ANKRD44: variants seen among roughly 807,000 people sequenced by gnomAD.
ANKRD44 encodes serine/threonine-protein phosphatase 6 regulatory ankyrin repeat subunit B.
A neutral mutation model predicts 116.0 loss-of-function variants in ANKRD44; 35 were observed. That is an observed-to-expected ratio of 0.30 (90% CI 0.23 to 0.40). ANKRD44 has a LOEUF of 0.40. ANKRD44 is among the 10% of genes least tolerant of loss of function. ANKRD44 has a pLI of 1.00. For missense variants in ANKRD44, 1,014 were observed against 1,242.6 expected, an observed-to-expected ratio of 0.82 and a Z score of 2.77; for synonymous variants, 435 against 461.8, an observed-to-expected ratio of 0.94 and a Z score of 0.74.
chr2:197,014,805 A>G (rs1181747562), intron 17 of ANKRD44, among the ~76,000 whole-genome samples: 1 of 151,972 alleles, frequency 6.6e-6, no homozygotes, highest in Non-Finnish European at 1.5e-5. Flanking sequence ...ACAACAAAAA[A>G]TGATGCTTTG....
chr2:197,034,184 T>A (rs943147513), intron 16 of ANKRD44, among the ~76,000 whole-genome samples: 8 of 151,886 alleles, frequency 5.3e-5, no homozygotes, highest in Non-Finnish European at 8.8e-5. Flanking sequence ...CAACCTATCT[T>A]GTCAAAATCC....
intron 1 of ANKRD44, among the ~76,000 whole-genome samples, chr2:197,277,016 C>G (rs1316790245): frequency 1.3e-5 from 2 of 151,492 alleles, no homozygotes; most frequent in African/African-American, 4.9e-5. Flanking sequence ...CAAGCTCTGC[C>G]TCCCACGTTC....
chr2:197,185,770 A>G (rs2080641817), intron 2 of ANKRD44, among the ~76,000 whole-genome samples: 1 of 152,234 alleles, frequency 6.6e-6, no homozygotes. Context: ...CAAAATATGT[A>G]TATAGTGCAC....
chr2:197,138,661 C>A (rs574669150), intron 3 of ANKRD44, among the ~76,000 whole-genome samples: 1 of 152,258 alleles, frequency 6.6e-6, no homozygotes, highest in African/African-American at 2.4e-5. Flanking sequence ...TTTCTTGCAT[C>A]ATAAATAAAT....
intron 12 of ANKRD44, 118 bp downstream of exon 12, chr2:197,088,593 T>G: frequency 1.7e-6 from 1 of 576,510 alleles, no homozygotes; most frequent in Non-Finnish European, 2.8e-6. Context: ...ATTTGATAAT[T>G]AGTAGAAATG....
At chr2:197,257,763 T>C (rs1166261750) in intron 1 of ANKRD44, among the ~76,000 whole-genome samples, 2 of 152,172 alleles carry the variant, frequency 1.3e-5, no homozygotes, top group African/African-American at 4.8e-5. Context: ...ATTTTAACCA[T>C]CTTTAAGTGT....
chr2:197,057,617 T>C (rs1252515827), intron 16 of ANKRD44, among the ~76,000 whole-genome samples: 1 of 152,228 alleles, frequency 6.6e-6, no homozygotes, highest in African/African-American at 2.4e-5. Context: ...CTCTTATCTG[T>C]AATCTCAGCA....
downstream of ANKRD44, among the ~76,000 whole-genome samples, chr2:196,982,108 T>TTTTA (rs150861089): frequency 0.01 from 1,001 of 96,544 alleles, 60 homozygotes; most frequent in African/African-American, 0.034. Context: ...CTAAAAAAAA[T>TTTTA]TATATATATA....
intron 1 of ANKRD44, among the ~76,000 whole-genome samples, chr2:197,234,809 C>G (rs1173111204): frequency 6.6e-6 from 1 of 152,150 alleles, no homozygotes; most frequent in Non-Finnish European, 1.5e-5. Context: ...AAGTTCTTTC[C>G]AGTATCCCCT....
intron 2 of ANKRD44, among the ~76,000 whole-genome samples, chr2:197,165,541 A>G (rs1251894877): frequency 6.6e-6 from 1 of 152,222 alleles, no homozygotes; most frequent in Non-Finnish European, 1.5e-5. Flanking sequence ...AGCTAGGAAT[A>G]GTGATTGGGA....
At chr2:197,230,418 TCAAA>T (rs2081830761) in intron 1 of ANKRD44, among the ~76,000 whole-genome samples, 1 of 151,948 alleles carries the variant, frequency 6.6e-6, no homozygotes, top group Non-Finnish European at 1.5e-5. Context: ...GAAAGGAGAT[TCAAA>T]CACTCATCCC....
At chr2:196,967,352 T>C (rs1381754454) in exon 22 of ANKRD44, 2 of 459,424 alleles carry the variant, frequency 4.4e-6, no homozygotes, top group African/African-American at 4.0e-5. Flanking sequence ...TTGCGTTCTG[T>C]GGCTGGGATA....
chr2:197,045,656 C>T (rs1056338117), intron 16 of ANKRD44, among the ~76,000 whole-genome samples: 3 of 152,180 alleles, frequency 2.0e-5, no homozygotes, highest in Non-Finnish European at 4.4e-5. Context: ...CTTCTAAACA[C>T]CACTGGTCAC....
At chr2:197,106,008 A>C (rs906190538) in intron 9 of ANKRD44, among the ~76,000 whole-genome samples, 1 of 152,232 alleles carries the variant, frequency 6.6e-6, no homozygotes, top group African/African-American at 2.4e-5. Context: ...CAGGTTTACC[A>C]GTCTCAAATA....
intron 2 of ANKRD44, among the ~76,000 whole-genome samples, chr2:197,170,316 G>C (rs927001587): frequency 3.3e-5 from 5 of 151,846 alleles, no homozygotes; most frequent in Non-Finnish European, 7.4e-5. Flanking sequence ...TAATATGACA[G>C]TTACCTTGTA....
chr2:197,197,680 C>T (rs190722268), intron 1 of ANKRD44, among the ~76,000 whole-genome samples: 39 of 151,774 alleles, frequency 2.6e-4, no homozygotes, highest in Non-Finnish European at 5.2e-4. Flanking sequence ...CACGGTGGCG[C>T]ACACCTGTAG....
At chr2:197,147,449 T>G (rs2079533884) in intron 2 of ANKRD44, among the ~76,000 whole-genome samples, 2 of 149,042 alleles carry the variant, frequency 1.3e-5, no homozygotes, top group Non-Finnish European at 3.0e-5. Flanking sequence ...AAAAAAAATC[T>G]AACCTACCAT....
At chr2:197,255,716 G>C (rs541069942) in intron 1 of ANKRD44, among the ~76,000 whole-genome samples, 1 of 152,354 alleles carries the variant, frequency 6.6e-6, no homozygotes, top group East Asian at 1.9e-4. Flanking sequence ...GGTTTCCCCA[G>C]CCAGGCTGCC....
At chr2:197,059,978 A>C (rs1286833922) in intron 16 of ANKRD44, among the ~76,000 whole-genome samples, 1 of 152,252 alleles carries the variant, frequency 6.6e-6, no homozygotes, top group Non-Finnish European at 1.5e-5. Context: ...ATGAAACAAG[A>C]GACCAACATA....
Sources: gnomAD v4.1 joint callset for allele counts (sites outside exome capture counted in the v4.1 genomes callset) on GRCh38, gnomAD v4.1.1 for gene constraint, MANE v1.5 for transcripts, NCBI Gene and HGNC (gene_info 2026-07-23, HGNC 2026-07-21) for gene names.